Variants in NLGN4X observed in about 807,000 individuals in gnomAD.
NLGN4X encodes neuroligin 4 X-linked, also known as neuroligin-4, X-linked.
Under a neutral mutation model 40.3 loss-of-function variants are expected in NLGN4X, and 3 were observed. That is an observed-to-expected ratio of 0.07 (90% CI 0.03 to 0.19). The LOEUF (loss-of-function observed/expected upper bound fraction) is 0.19, where lower values mean the gene tolerates loss of function less well. Among genes scored for constraint, NLGN4X ranks in the 10% least tolerant of loss-of-function variants. The probability of loss-of-function intolerance (pLI) is 1.00; values close to 1 mark genes in which losing one functional copy is unlikely to be tolerated. For synonymous variants in NLGN4X, 270 were observed against 306.8 expected (o/e 0.88, Z 1.25); for missense variants, 382 against 708.3 (o/e 0.54, Z 5.23).
chrX:5,933,087 A>G (rs760713478), intron 3 of NLGN4X, among the ~76,000 whole-genome samples: 33 of 110,789 alleles, frequency 3.0e-4, no homozygotes, highest in Non-Finnish European at 3.0e-4. Flanking sequence ...AAGAAAAATA[A>G]CTCTGAATTT....
intron 2 of NLGN4X, among the ~76,000 whole-genome samples, chrX:6,077,901 C>T (rs2038247271): frequency 8.9e-6 from 1 of 111,864 alleles, no homozygotes. Flanking sequence ...CATCCCCAGC[C>T]TTAGAACCTG....
intron 2 of NLGN4X, among the ~76,000 whole-genome samples, chrX:6,146,447 T>C (rs1410733154): frequency 8.9e-6 from 1 of 111,921 alleles, no homozygotes; most frequent in Non-Finnish European, 1.9e-5. Context: ...TCTGGCTTAT[T>C]ATCTACCTCT....
At chrX:6,074,737 A>G (rs1284875131) in intron 2 of NLGN4X, among the ~76,000 whole-genome samples, 1 of 111,709 alleles carries the variant, frequency 9.0e-6, no homozygotes, top group Admixed American at 9.5e-5. Context: ...CAATGAAATC[A>G]TGAGACAAGA....
chrX:6,185,692 G>A (rs1337252047), intron 1 of NLGN4X, among the ~76,000 whole-genome samples: 1 of 111,966 alleles, frequency 8.9e-6, no homozygotes, highest in Non-Finnish European at 1.9e-5. Context: ...GCATTTAAGC[G>A]TTCCTTTCTT....
chrX:6,078,851 G>C (rs142720022), intron 2 of NLGN4X, among the ~76,000 whole-genome samples: 2 of 111,067 alleles, frequency 1.8e-5, no homozygotes, highest in Admixed American at 1.9e-4. Context: ...TAATCCCCAC[G>C]TGTTGGGGGA....
chrX:6,023,440 T>G (rs926507219), intron 3 of NLGN4X, among the ~76,000 whole-genome samples: 1 of 112,460 alleles, frequency 8.9e-6, no homozygotes, highest in Admixed American at 9.4e-5. Flanking sequence ...ATACTCAATT[T>G]CTTCACTCAT....
chrX:5,991,358 C>A (rs1408716325), intron 3 of NLGN4X: 24 of 475,977 alleles, frequency 5.0e-5, no homozygotes, highest in East Asian at 1.6e-4. Flanking sequence ...ATAGCAGAAA[C>A]CTCCCTGTCT....
chrX:6,151,300 C>T lies in NLGN4X; in HGVS notation c.167G>A (p.Arg56Gln), dbSNP rs780822846. Residue 56 changes from arginine to glutamine, a missense_variant, in exon 2 of 6, where the codon CGG becomes CAG. Arg to Gln is a conservative substitution (Grantham distance 43, BLOSUM62 1). This residue lies in a region of NLGN4X where 115 missense variants were observed against 149.6 expected (regional missense o/e 0.77). Coordinates refer to ENST00000381095, the MANE Select transcript of NLGN4X (RefSeq NM_181332.3). ...PVVNTNYGKI[R>Q]GLRTPLPNEI... ...ATTGGGTAACGGTGTTCTTAGGCCCCGGATTTTGCCATAATTTGTGTTGAC... is the reference window on the plus strand; with the variant it reads ...ATTGGGTAACGGTGTTCTTAGGCCCTGGATTTTGCCATAATTTGTGTTGAC... 4 of 1,209,875 alleles carry T rather than the reference C, an allele frequency of 3.3e-6. No homozygotes were observed. The highest frequency in any genetic ancestry group is 2.2e-5 in the Admixed American group (1 of 45,726).
chrX:5,969,300 C>A (rs997619913), intron 3 of NLGN4X, among the ~76,000 whole-genome samples: 10 of 111,671 alleles, frequency 9.0e-5, no homozygotes, highest in Non-Finnish European at 1.9e-4. Context: ...CATCCAGAAT[C>A]TACAATTAAC....
At chrX:6,050,273 A>G (rs1396103447) in intron 2 of NLGN4X, among the ~76,000 whole-genome samples, 2 of 111,832 alleles carry the variant, frequency 1.8e-5, no homozygotes, top group Non-Finnish European at 3.8e-5. Flanking sequence ...GATTACAGAT[A>G]GCTATAGAGA....
At chrX:6,158,945 A>C (rs1193393174) in intron 1 of NLGN4X, among the ~76,000 whole-genome samples, 1 of 112,151 alleles carries the variant, frequency 8.9e-6, no homozygotes, top group South Asian at 3.7e-4. Context: ...ATAAGCCCCA[A>C]TTATAATTGC....
chrX:5,918,509 G>C (rs1259565263), intron 3 of NLGN4X, among the ~76,000 whole-genome samples: 1 of 112,117 alleles, frequency 8.9e-6, no homozygotes, highest in African/African-American at 3.2e-5. Context: ...GAATAGAAAG[G>C]TTATTGAAGA....
intron 3 of NLGN4X, among the ~76,000 whole-genome samples, chrX:5,915,503 T>C (rs2032745621): frequency 8.9e-6 from 1 of 112,325 alleles, no homozygotes; most frequent in African/African-American, 3.2e-5. Context: ...AATTTGGGAA[T>C]AGCCAGCCTG....
chrX:6,112,744 C>A (rs1029886649), intron 2 of NLGN4X, among the ~76,000 whole-genome samples: 2 of 109,419 alleles, frequency 1.8e-5, no homozygotes, highest in African/African-American at 6.7e-5. Context: ...CCACCACACC[C>A]GGCCTCCTGC....
intron 2 of NLGN4X, among the ~76,000 whole-genome samples, chrX:6,030,749 T>A (rs186917501): frequency 8.9e-6 from 1 of 112,192 alleles, no homozygotes; most frequent in African/African-American, 3.2e-5. Flanking sequence ...TGTTTTCTCA[T>A]ATAAAATTCA....
chrX:6,108,235 GTCAGCTT>G (rs2147517761), intron 2 of NLGN4X, among the ~76,000 whole-genome samples: 1 of 112,290 alleles, frequency 8.9e-6, no homozygotes, highest in South Asian at 3.6e-4. Flanking sequence ...TAATGTTGAT[GTCAGCTT>G]CAAGTCAAAG....
rs779281268 is a variant in NLGN4X, at chrX:6,115,993, G to A, written c.472+35002C>T. 3.3e-3 allele frequency among the ~76,000 whole-genome samples: 362 copies of A among 110,490 alleles called. 6 individuals are homozygous for A. The highest frequency in any genetic ancestry group is 0.018 in the Middle Eastern group (4 of 218). ...CGGAGTTAGAGTTACCTTTACAAAT[G>A]TAATAAAGAACTGAATGAGGCTGGG... On this transcript the variant is annotated intron_variant, in intron 2 of 5. Coordinates refer to ENST00000381095, the MANE Select transcript of NLGN4X (RefSeq NM_181332.3).
At chrX:6,015,391 A>C (rs777215118) in intron 3 of NLGN4X, among the ~76,000 whole-genome samples, 3 of 107,015 alleles carry the variant, frequency 2.8e-5, no homozygotes, top group African/African-American at 1.0e-4. Context: ...ACTCTATCTC[A>C]CTCTCTCTCT....
chrX:5,925,007 T>C (rs766088797), intron 3 of NLGN4X, among the ~76,000 whole-genome samples: 56 of 105,713 alleles, frequency 5.3e-4, no homozygotes, highest in Non-Finnish European at 5.9e-4. Context: ...CCTATGAAAA[T>C]AAAAAAAAAA....
Sources: gnomAD v4.1 joint callset for allele counts (sites outside exome capture counted in the v4.1 genomes callset) on GRCh38, gnomAD v4.1.1 for gene constraint, gnomAD v4.1.1 regional missense constraint, MANE v1.5 for transcripts, NCBI Gene and HGNC (gene_info 2026-07-23, HGNC 2026-07-21) for gene names.